The following GPC5 variants were observed in gnomAD, a reference collection of about 807,000 sequenced individuals.
GPC5 encodes glypican-5.
GPC5 carries 47 observed loss-of-function variants against 53.9 expected under a neutral mutation model. That is an observed-to-expected ratio of 0.87 (90% CI 0.69 to 1.11). The LOEUF (loss-of-function observed/expected upper bound fraction) is 1.11, where lower values mean the gene tolerates loss of function less well. GPC5 is among the 50% of genes most tolerant of loss of function. The pLI is 0.00. For missense variants in GPC5, 748 were observed against 713.1 expected (o/e 1.05, Z -0.56); for synonymous variants, 286 against 263.3 (o/e 1.09, Z -0.84).
intron 7 of GPC5, among the ~76,000 whole-genome samples, chr13:92,565,243 G>C (rs908864816): frequency 6.6e-6 from 1 of 152,032 alleles, no homozygotes; most frequent in Non-Finnish European, 1.5e-5. Flanking sequence ...TCCAAAATGG[G>C]TTATATATTA....
intron 7 of GPC5, among the ~76,000 whole-genome samples, chr13:92,495,823 C>T (rs1879956873): frequency 6.6e-6 from 1 of 151,850 alleles, no homozygotes; most frequent in African/African-American, 2.4e-5. Context: ...TATTTTTCAA[C>T]CTGTGTAAAC....
chr13:92,211,804 G>A (rs994797398), intron 7 of GPC5, among the ~76,000 whole-genome samples: 1 of 152,156 alleles, frequency 6.6e-6, no homozygotes, highest in African/African-American at 2.4e-5. Context: ...CCAAGGAGAG[G>A]ATTTTTATCT....
At chr13:91,456,964 G>A (rs1422094795) in intron 2 of GPC5, among the ~76,000 whole-genome samples, 2 of 151,866 alleles carry the variant, frequency 1.3e-5, no homozygotes, top group African/African-American at 2.4e-5. Flanking sequence ...GAGGCTGGTG[G>A]AAAGACAAAG....
chr13:92,780,892 T>G (rs563992406), intron 7 of GPC5, among the ~76,000 whole-genome samples: 1 of 152,208 alleles, frequency 6.6e-6, no homozygotes, highest in Non-Finnish European at 1.5e-5. Flanking sequence ...CCTAAATTAT[T>G]TTATCTTGAT....
At chr13:92,564,866 G>A (rs1470350424) in intron 7 of GPC5, among the ~76,000 whole-genome samples, 1 of 151,916 alleles carries the variant, frequency 6.6e-6, no homozygotes, top group East Asian at 1.9e-4. Flanking sequence ...AGATCGAGTT[G>A]GTTTAAATCC....
rs371605806 is a variant in GPC5 at position 91,665,505 on chromosome 13, C to CT, written c.326-27672dup. Among the ~76,000 whole-genome samples the CT allele has an allele frequency of 2.1e-4, 30 of 146,186 alleles. 1 individual carries two copies. Among genetic ancestry groups the CT allele is most frequent in the South Asian group, 4.4e-4 (2 of 4,592 alleles). ...ATGTGGGCATTCAGGAAAAGCCAGT[C>CT]TTTTTTTTTTCTTTTGAGACGGAGT... is the stretch of plus-strand genomic sequence containing the variant. On this transcript the variant is annotated intron_variant, in intron 2 of 7. Transcript: ENST00000377067.
intron 7 of GPC5, among the ~76,000 whole-genome samples, chr13:92,168,958 AG>A (rs1490054181): frequency 1.3e-5 from 2 of 152,244 alleles, no homozygotes; most frequent in African/African-American, 4.8e-5. Context: ...GACCGGATAA[AG>A]AAAATGTGGT....
chr13:91,977,958 AG>A (rs10709343), intron 6 of GPC5, among the ~76,000 whole-genome samples: 3,342 of 36,254 alleles, frequency 0.092, 153 homozygotes, highest in African/African-American at 0.25. Context: ...AAAAGAAAAA[AG>A]AAAGAAAGAA....
At chr13:92,681,887 A>G (rs1421641669) in intron 7 of GPC5, among the ~76,000 whole-genome samples, 1 of 152,174 alleles carries the variant, frequency 6.6e-6, no homozygotes, top group African/African-American at 2.4e-5. Flanking sequence ...TGACCTTCTT[A>G]GGACAAATTG....
In GPC5 at chr13:91,495,793, C is replaced by T. The variant is rs1026342162; in HGVS notation, c.325+46871C>T. 9.9e-5 allele frequency among the ~76,000 whole-genome samples: 15 copies of T among 152,150 alleles called. 1 individual carries two copies. The highest frequency in any genetic ancestry group is 1.5e-4 in the Non-Finnish European group (10 of 68,016). ...ATCCCAGCACTTTGGGAGGCCGAGG[C>T]GGGTGGATCACCTGAGGTCAAGAGT... On this transcript the variant is annotated intron_variant, in intron 2 of 7. Coordinates refer to ENST00000377067, the MANE Select transcript of GPC5 (RefSeq NM_004466.6).
intron 7 of GPC5, among the ~76,000 whole-genome samples, chr13:92,832,160 C>T (rs933631812): frequency 2.6e-5 from 4 of 152,044 alleles, no homozygotes; most frequent in African/African-American, 4.8e-5. Flanking sequence ...AATAGAATCT[C>T]AAAAGGATAT....
At chr13:92,054,147 GGGGTGT>G (rs1157247949) in intron 6 of GPC5, among the ~76,000 whole-genome samples, 1 of 109,858 alleles carries the variant, frequency 9.1e-6, no homozygotes, top group East Asian at 3.6e-4. Flanking sequence ...TTACTTTGGA[GGGGTGT>G]GTGTGTGTGT....
At chr13:92,069,696 T>A (rs895988163) in intron 6 of GPC5, among the ~76,000 whole-genome samples, 5 of 152,260 alleles carry the variant, frequency 3.3e-5, no homozygotes, top group African/African-American at 1.2e-4. Flanking sequence ...AATGGCTTCA[T>A]TTACAAAATG....
chr13:92,336,170 T>A (rs1008846823), intron 7 of GPC5, among the ~76,000 whole-genome samples: 16 of 152,194 alleles, frequency 1.1e-4, no homozygotes, highest in Admixed American at 9.2e-4. Flanking sequence ...TAGAATTAAT[T>A]TCAATAAATC....
rs575682707 is a variant in GPC5 at position 92,153,521 on chromosome 13, A to G, written c.1561+8532A>G. On this transcript the variant is annotated intron_variant, in intron 7 of 7. Coordinates refer to ENST00000377067, the MANE Select transcript of GPC5 (RefSeq NM_004466.6). ...TATGTATTTTGTTGATGAATATTGG[A>G]GTTGATGTCAATCAGTGGCATTTGG... is the stretch of plus-strand genomic sequence containing the variant. Among the ~76,000 whole-genome samples, 3 of 152,306 alleles carry G rather than the reference A, an allele frequency of 2.0e-5. No homozygotes were observed. The South Asian group carries it at 6.2e-4, about 32-fold the overall frequency.
intron 6 of GPC5, among the ~76,000 whole-genome samples, chr13:91,967,574 C>T (rs1307446742): frequency 6.6e-6 from 1 of 151,854 alleles, no homozygotes; most frequent in African/African-American, 2.4e-5. Context: ...TACTTATGAA[C>T]TCATATGCTT....
chr13:92,137,431 ACTCCCATATGGGTTCTCTC>A (rs1201316543), intron 6 of GPC5, among the ~76,000 whole-genome samples: 1 of 152,056 alleles, frequency 6.6e-6, no homozygotes, highest in Non-Finnish European at 1.5e-5. Flanking sequence ...AGTTAATGTT[ACTCCCATATGGGTTCTCTC>A]CTCCAATACA....
At chr13:91,717,402 G>C (rs1268899208) in intron 3 of GPC5, among the ~76,000 whole-genome samples, 1 of 152,172 alleles carries the variant, frequency 6.6e-6, no homozygotes, top group Non-Finnish European at 1.5e-5. Context: ...GGAAGGATTA[G>C]AGCTGAGAGA....
At chr13:92,499,832 G>C (rs1301491227) in intron 7 of GPC5, among the ~76,000 whole-genome samples, 1 of 152,048 alleles carries the variant, frequency 6.6e-6, no homozygotes, top group Admixed American at 6.6e-5. Flanking sequence ...AGTCTTCATT[G>C]AAAAATGGGA....
Sources: allele counts gnomAD v4.1 joint callset (sites outside exome capture counted in the v4.1 genomes callset), GRCh38; gene constraint gnomAD v4.1.1; transcripts MANE v1.5; gene names NCBI Gene and HGNC (gene_info 2026-07-23, HGNC 2026-07-21).